Variants in FBXO45 observed in about 807,000 individuals in gnomAD.
FBXO45 encodes F-box protein 45.
FBXO45 carries 3 observed loss-of-function variants against 25.5 expected under a neutral mutation model. The observed-to-expected ratio is 0.12, with a 90% CI of 0.05 to 0.30. The LOEUF (loss-of-function observed/expected upper bound fraction) is 0.30. FBXO45 is among the 10% of genes least tolerant of loss of function. The pLI is 1.00. For missense variants in FBXO45, 219 were observed against 365.0 expected (o/e 0.60, Z 3.26); for synonymous variants, 155 against 149.8 (o/e 1.03, Z -0.25).
intron 2 of FBXO45, among the ~76,000 whole-genome samples, chr3:196,579,796 A>C (rs1006694748): frequency 6.6e-6 from 1 of 152,106 alleles, no homozygotes; most frequent in Non-Finnish European, 1.5e-5. Context: ...TGTTTGCTTC[A>C]TGTATTTTGG....
chr3:196,582,252 T>A (rs1054831101), intron 2 of FBXO45, among the ~76,000 whole-genome samples: 2 of 152,208 alleles, frequency 1.3e-5, no homozygotes, highest in East Asian at 1.9e-4. Flanking sequence ...ATAGGGATAG[T>A]TCCTAGGATT....
chr3:196,572,701 G>A (rs1389473778), intron 1 of FBXO45, among the ~76,000 whole-genome samples: 2 of 152,216 alleles, frequency 1.3e-5, no homozygotes, highest in Non-Finnish European at 2.9e-5. Flanking sequence ...CATTTTAAGA[G>A]ATTATTTCTG....
intron 2 of FBXO45, among the ~76,000 whole-genome samples, chr3:196,579,300 TA>T (rs2108728022): frequency 6.6e-6 from 1 of 152,332 alleles, no homozygotes; most frequent in Admixed American, 6.5e-5. Context: ...TCAGGCATAC[TA>T]AAGCAGAAGA....
At position 196,587,433 on chromosome 3, in the gene FBXO45, A is replaced by G. The variant is rs1736156594; in HGVS notation, c.*3115A>G. On this transcript the variant is annotated 3_prime_UTR_variant, in exon 3 of 3. Coordinates refer to ENST00000311630, the MANE Select transcript of FBXO45 (RefSeq NM_001105573.2). ...AAAAGAAAGTAAGATTTACCCAGTT[A>G]ATATTTAAAATCATTGTTCAGTGAT... The G allele has an allele frequency of 1.3e-5, 2 of 152,254 alleles. No homozygotes were observed. Among genetic ancestry groups the G allele is most frequent in the Non-Finnish European group, 1.5e-5 (1 of 68,046 alleles). The allele number at this position is 152,254 out of a possible 1,614,324, so 9.4% of individuals were successfully genotyped here.
In FBXO45 at chr3:196,586,381, G is replaced by T. The variant is rs1373344118; in HGVS notation, c.*2063G>T. The T allele has an allele frequency of 1.3e-5, 2 of 152,146 alleles. No individual in the cohort carries two copies. Among genetic ancestry groups the T allele is most frequent in the African/African-American group, 4.8e-5 (2 of 41,428 alleles). The allele number at this position is 152,146 out of a possible 1,614,324, so 9.4% of individuals were successfully genotyped here. A position where few individuals can be genotyped will look rare whatever the true frequency, so the allele number is the denominator to read the frequency against. On this transcript the variant is annotated 3_prime_UTR_variant, in exon 3 of 3. Transcript: ENST00000311630. ...TGGAAAACCGAAACACATGGTTATT[G>T]CGTATTGGACCTAGAATGAAATAAT...
At chr3:196,575,000 T>C (rs947286070) in intron 1 of FBXO45, among the ~76,000 whole-genome samples, 1 of 152,132 alleles carries the variant, frequency 6.6e-6, no homozygotes, top group African/African-American at 2.4e-5. Context: ...GGATGAGATA[T>C]GTAGTAAAGG....
intron 1 of FBXO45, among the ~76,000 whole-genome samples, chr3:196,570,303 T>C (rs1319477781): frequency 6.6e-6 from 1 of 150,610 alleles, no homozygotes; most frequent in Non-Finnish European, 1.5e-5. Flanking sequence ...AATGGCGTGA[T>C]CTCGGCTCAC....
Position 196,569,695 on chromosome 3 carries a change from A to G in FBXO45, c.318+393A>G, listed in dbSNP as rs553607709. On this transcript the variant is annotated intron_variant, in intron 1 of 2. Transcript: ENST00000311630. The surrounding 1 kb of genome is among the most constrained non-coding windows in gnomAD (Gnocchi z 4.1). ...CCACCTTAACATGGGCTTAGTTTCTAAGTTTCTAAGTTTCTAGTTTGCTTT... is the reference window on the plus strand; with the variant it reads ...CCACCTTAACATGGGCTTAGTTTCTGAGTTTCTAAGTTTCTAGTTTGCTTT... Among the ~76,000 whole-genome samples the G allele has an allele frequency of 6.6e-5, 10 of 151,260 alleles. No individual in the cohort carries two copies. In the South Asian group the frequency reaches 2.3e-3, roughly 34 times the overall value.
In FBXO45 at chr3:196,585,246, C is replaced by T. The variant is rs973629156; in HGVS notation, c.*928C>T. On this transcript the variant is annotated 3_prime_UTR_variant, in exon 3 of 3. Transcript: ENST00000311630. ...TTTGGTATCCAGTTTTATTTTTGGC[C>T]TTCTAAGAAAGTGTCTCATAACACA... 1 of 152,082 alleles carries T rather than the reference C, an allele frequency of 6.6e-6. No homozygotes were observed. Among genetic ancestry groups the T allele is most frequent in the East Asian group, 1.9e-4 (1 of 5,196 alleles). 9.4% of individuals were successfully genotyped at this position (152,082 alleles called of 1,614,324 possible).
chr3:196,582,740 C>T (rs1042901533), intron 2 of FBXO45, among the ~76,000 whole-genome samples: 1 of 151,806 alleles, frequency 6.6e-6, no homozygotes, highest in Non-Finnish European at 1.5e-5. Flanking sequence ...GAGTTGTGAA[C>T]CACAAATTGT....
chr3:196,570,914 T>C (rs1735813416), intron 1 of FBXO45, among the ~76,000 whole-genome samples: 1 of 152,090 alleles, frequency 6.6e-6, no homozygotes. Context: ...GGTTTCACCG[T>C]GTTAACCAGC....
chr3:196,568,888 C>A lies in FBXO45; in HGVS notation c.-97C>A. On this transcript the variant is annotated 5_prime_UTR_variant, in exon 1 of 3. Coordinates refer to ENST00000311630, the MANE Select transcript of FBXO45 (RefSeq NM_001105573.2). ...GGTTGGCACTGACAGGGGCGGTGAG[C>A]GAGCCGCTCCGGTCTCCGGGCGAGG... 2.2e-6 allele frequency: 2 copies of A among 909,934 alleles called. No individual in the cohort carries two copies. Among genetic ancestry groups the A allele is most frequent in the Non-Finnish European group, 2.6e-6 (2 of 760,818 alleles). The allele number at this position is 909,934 out of a possible 1,614,324, so 56.4% of individuals were successfully genotyped here.
At chr3:196,575,457 CA>C (rs1198432279) in intron 1 of FBXO45, among the ~76,000 whole-genome samples, 3,722 of 89,926 alleles carry the variant, frequency 0.041, 100 homozygotes, top group African/African-American at 0.13. Flanking sequence ...GACTCTGTCT[CA>C]AAAAAAAAAA....
At chr3:196,575,935 C>T (rs1735905851) in intron 1 of FBXO45, among the ~76,000 whole-genome samples, 1 of 152,198 alleles carries the variant, frequency 6.6e-6, no homozygotes, top group Non-Finnish European at 1.5e-5. Flanking sequence ...CCTTGCCTTC[C>T]CAAAGTGCTG....
At chr3:196,577,976 T>C (rs1276417120) in intron 2 of FBXO45, among the ~76,000 whole-genome samples, 167 bp downstream of exon 2, 2 of 151,514 alleles carry the variant, frequency 1.3e-5, no homozygotes, top group African/African-American at 2.4e-5. Context: ...TTTTTTTTTT[T>C]TAATGTTAGG....
chr3:196,570,091 TGAAAG>T (rs1735770261), intron 1 of FBXO45, among the ~76,000 whole-genome samples: 1 of 152,190 alleles, frequency 6.6e-6, no homozygotes. Context: ...GTGGTACGGC[TGAAAG>T]GACTCTCAGG....
Position 196,588,627 on chromosome 3 carries a change from T to C in FBXO45, c.*4309T>C, listed in dbSNP as rs1736180330. 1 of 152,238 alleles carries C rather than the reference T, an allele frequency of 6.6e-6. No homozygotes were observed. The highest frequency in any genetic ancestry group is 1.5e-5 in the Non-Finnish European group (1 of 68,044). The allele number at this position is 152,238 out of a possible 1,614,324, so 9.4% of individuals were successfully genotyped here. ...TTATTTATACCTTGTTTAAAATTATTTATTGATTATTTATTGGTGTCATAT... is the reference window on the plus strand; with the variant it reads ...TTATTTATACCTTGTTTAAAATTATCTATTGATTATTTATTGGTGTCATAT... On this transcript the variant is annotated 3_prime_UTR_variant, in exon 3 of 3. Transcript: ENST00000311630. This position sits in a 1 kb window ranked among gnomAD's most constrained non-coding sequence, Gnocchi z 4.2.
rs1560315049 is a variant in FBXO45 at position 196,569,529 on chromosome 3, A to G, written c.318+227A>G. The stretch of plus-strand genomic sequence containing the variant: ...ACTTCCGTGATCCACTTTTCAAACA[A>G]CTAGGTAGTTTGCCTCACTCATTCA... On this transcript the variant is annotated intron_variant, in intron 1 of 2. Coordinates refer to ENST00000311630, the MANE Select transcript of FBXO45 (RefSeq NM_001105573.2). The surrounding 1 kb of genome is among the most constrained non-coding windows in gnomAD (Gnocchi z 4.1). Among the ~76,000 whole-genome samples the G allele has an allele frequency of 6.6e-6, 1 of 152,088 alleles. No individual in the cohort carries two copies. Among genetic ancestry groups the G allele is most frequent in the Non-Finnish European group, 1.5e-5 (1 of 68,008 alleles).
At chr3:196,581,207 CT>C (rs1041233012) in intron 2 of FBXO45, among the ~76,000 whole-genome samples, 7 of 102,858 alleles carry the variant, frequency 6.8e-5, no homozygotes, top group East Asian at 2.8e-4. Flanking sequence ...TTAGAATTTC[CT>C]TTTTTTTCTT....
Sources: gnomAD v4.1 joint callset for allele counts (sites outside exome capture counted in the v4.1 genomes callset) on GRCh38, gnomAD v4.1.1 for gene constraint, Gnocchi (gnomAD v3.1) non-coding constraint, MANE v1.5 for transcripts, NCBI Gene and HGNC (gene_info 2026-07-23, HGNC 2026-07-21) for gene names.